ECT2L: variants seen among roughly 807,000 people sequenced by gnomAD.
ECT2L encodes epithelial cell-transforming sequence 2 oncogene-like.
A neutral mutation model predicts 122.8 loss-of-function variants in ECT2L; 126 were observed. The ratio of observed to expected loss-of-function variants is 1.03; its 90% CI spans 0.89 to 1.19. The LOEUF (loss-of-function observed/expected upper bound fraction) is 1.19, where lower values mean the gene tolerates loss of function less well. Among genes scored for constraint, ECT2L ranks in the 50% most tolerant of loss-of-function variants. The pLI, the probability that ECT2L is intolerant of heterozygous loss-of-function variation, is 0.00. For synonymous variants in ECT2L, 385 were observed against 381.8 expected, an observed-to-expected ratio of 1.01 and a Z score of -0.10; for missense variants, 1,012 against 1,064.1, an observed-to-expected ratio of 0.95 and a Z score of 0.68.
chr6:138,871,300 G>A lies in ECT2L; in HGVS notation c.1578+3094G>A, dbSNP rs542618960. ...GCAGTCCCTAACATAATCTCACCAT[G>A]GAGGGCTGCTAGGAGTAAGAGACTT... On this transcript the variant is annotated intron_variant, in intron 13 of 21. Transcript: ENST00000541398. Among the ~76,000 whole-genome samples the A allele has an allele frequency of 4.6e-5, 7 of 152,284 alleles. No individual in the cohort carries two copies. The South Asian group carries it at 1.2e-3, about 27-fold the overall frequency.
chr6:138,815,454 C>T (rs564362718), intron 4 of ECT2L, among the ~76,000 whole-genome samples: 2 of 152,264 alleles, frequency 1.3e-5, no homozygotes, highest in South Asian at 2.1e-4. Flanking sequence ...GTAGCAGGTA[C>T]GTGGCAGGAT....
chr6:138,819,887 C>T (rs907511792), intron 4 of ECT2L, among the ~76,000 whole-genome samples: 3 of 150,008 alleles, frequency 2.0e-5, no homozygotes, highest in Admixed American at 2.0e-4. Flanking sequence ...ACTTCATGTA[C>T]CAAAAAAAAA....
At position 138,814,680 on chromosome 6, in the gene ECT2L, A is replaced by T. The variant is rs899649913; in HGVS notation, c.179+77A>T. On this transcript the variant is annotated intron_variant, in intron 4 of 21. Transcript: ENST00000541398. ...TATAAATGTTTATATAACCTTTAAG[A>T]GATTTTTTGTTCCTAGGGAGAAAAA... The T allele has an allele frequency of 1.1e-5, 10 of 892,566 alleles. No homozygotes were observed. The South Asian group carries it at 2.0e-4, about 18-fold the overall frequency. 55.3% of individuals were successfully genotyped at this position (892,566 alleles called of 1,614,324 possible). A position where few individuals can be genotyped will look rare whatever the true frequency, so the allele number is the denominator to read the frequency against.
intron 14 of ECT2L, among the ~76,000 whole-genome samples, chr6:138,880,161 T>A (rs1368129764): frequency 6.6e-6 from 1 of 152,186 alleles, no homozygotes; most frequent in East Asian, 1.9e-4. Context: ...TAGTTAATAA[T>A]GAAAAGGTGT....
At chr6:138,853,337 T>C (rs192522032) in intron 9 of ECT2L, among the ~76,000 whole-genome samples, 53 of 152,286 alleles carry the variant, frequency 3.5e-4, no homozygotes, top group African/African-American at 1.2e-3. Context: ...TTCTATATAA[T>C]TGTGTTTTCC....
chr6:138,811,703 G>A (rs12664876), intron 1 of ECT2L, among the ~76,000 whole-genome samples: 40,084 of 151,944 alleles, frequency 0.26, 6,032 homozygotes, highest in East Asian at 0.42. Flanking sequence ...ATGGACTCTC[G>A]CTGTCAGTGA....
At chr6:138,826,782 G>A (rs1007779221) in intron 4 of ECT2L, among the ~76,000 whole-genome samples, 5 of 152,196 alleles carry the variant, frequency 3.3e-5, no homozygotes, top group South Asian at 2.1e-4. Flanking sequence ...TTTGGGTCAC[G>A]GGGGGCAGAT....
chr6:138,827,245 G>C (rs962682579), intron 4 of ECT2L, among the ~76,000 whole-genome samples: 3 of 152,114 alleles, frequency 2.0e-5, no homozygotes, highest in African/African-American at 7.2e-5. Context: ...CTACTCTGGA[G>C]GCTGACGCAG....
chr6:138,839,648 G>A (rs1776971966), intron 5 of ECT2L, among the ~76,000 whole-genome samples: 2 of 152,228 alleles, frequency 1.3e-5, no homozygotes. Context: ...ACAGGCGTGA[G>A]CCACTGTGCC....
intron 4 of ECT2L, among the ~76,000 whole-genome samples, chr6:138,819,205 G>A (rs1776180176): frequency 6.7e-6 from 1 of 149,552 alleles, no homozygotes; most frequent in African/African-American, 2.5e-5. Flanking sequence ...TTTGCAATTG[G>A]GATGGTTTTT....
intron 16 of ECT2L, 49 bp from the exon 17 acceptor site, chr6:138,885,457 C>T (rs780211629): frequency 1.9e-6 from 3 of 1,586,400 alleles, no homozygotes; most frequent in Non-Finnish European, 2.6e-6. Context: ...GAACAGTGGA[C>T]TTTACAACTA....
chr6:138,840,576 G>C (rs537149533), intron 5 of ECT2L, among the ~76,000 whole-genome samples: 153 of 128,854 alleles, frequency 1.2e-3, no homozygotes, highest in Non-Finnish European at 2.3e-3. Context: ...TTAAATTCTA[G>C]GTTGGCAGCT....
intron 5 of ECT2L, among the ~76,000 whole-genome samples, chr6:138,841,413 C>T (rs1483627076): frequency 6.6e-6 from 1 of 152,174 alleles, no homozygotes; most frequent in Non-Finnish European, 1.5e-5. Flanking sequence ...GGAACAAATC[C>T]TACAAATCCA....
At chr6:138,808,658 C>A (rs1293353726) in intron 1 of ECT2L, among the ~76,000 whole-genome samples, 2 of 151,440 alleles carry the variant, frequency 1.3e-5, no homozygotes. Context: ...TCTGTAGATT[C>A]TTTAATATTT....
chr6:138,898,471 A>AT (rs1472185089), intron 20 of ECT2L, among the ~76,000 whole-genome samples: 1 of 152,188 alleles, frequency 6.6e-6, no homozygotes, highest in Non-Finnish European at 1.5e-5. Flanking sequence ...ACTCTTGGAC[A>AT]TTTTTAAACT....
intron 1 of ECT2L, among the ~76,000 whole-genome samples, chr6:138,809,731 G>A (rs892445946): frequency 6.6e-6 from 1 of 152,028 alleles, no homozygotes; most frequent in Admixed American, 6.6e-5. Context: ...ATTATATAAA[G>A]GTTATACCAA....
In ECT2L at chr6:138,857,995, A is replaced by G. The variant is rs141795727; in HGVS notation, c.1198+3841A>G. ...AAAAGAGGAAGCCCCTTATAAAACC[A>G]TCAGATCTCGTGAGAACTCACTCGC... is the stretch of plus-strand genomic sequence containing the variant. On this transcript the variant is annotated intron_variant, in intron 10 of 21. Transcript: ENST00000541398. Among the ~76,000 whole-genome samples, 52 of 152,254 alleles carry G rather than the reference A, an allele frequency of 3.4e-4. No individual in the cohort carries two copies. The East Asian group carries it at 8.1e-3, about 24-fold the overall frequency.
chr6:138,889,064 A>G, intron 20 of ECT2L, 33 bp downstream of exon 20: 1 of 1,247,988 alleles, frequency 8.0e-7, no homozygotes. Flanking sequence ...AAGGCTGTGG[A>G]CACCTTCCAA....
chr6:138,811,310 T>C (rs1190468411), intron 1 of ECT2L, among the ~76,000 whole-genome samples: 1 of 152,226 alleles, frequency 6.6e-6, no homozygotes, highest in Non-Finnish European at 1.5e-5. Flanking sequence ...AATGGAATCC[T>C]GTCAACAACC....
Sources: allele counts gnomAD v4.1 joint callset (sites outside exome capture counted in the v4.1 genomes callset), GRCh38; gene constraint gnomAD v4.1.1; transcripts MANE v1.5; gene names NCBI Gene and HGNC (gene_info 2026-07-23, HGNC 2026-07-21).